SLC44A5: variants seen among roughly 807,000 people sequenced by gnomAD.
The protein encoded by SLC44A5 is choline transporter-like protein 5.
In SLC44A5, 57 loss-of-function variants were observed where a neutral mutation model predicts 101.8. The observed-to-expected ratio is 0.56, with a 90% confidence interval of 0.45 to 0.70. SLC44A5 has a LOEUF of 0.70. SLC44A5 is among the 30% of genes least tolerant of loss of function. The pLI, the probability that SLC44A5 is intolerant of heterozygous loss-of-function variation, is 0.00. For synonymous variants in SLC44A5, 281 were observed against 290.9 expected, an observed-to-expected ratio of 0.97 and a Z score of 0.35; for missense variants, 737 against 853.1, an observed-to-expected ratio of 0.86 and a Z score of 1.70.
intron 2 of SLC44A5, among the ~76,000 whole-genome samples, chr1:75,514,882 G>A (rs1490779124): frequency 6.6e-6 from 1 of 152,070 alleles, no homozygotes; most frequent in Non-Finnish European, 1.5e-5. Context: ...TGTCTTTCAG[G>A]TACATGGACC....
At chr1:75,318,314 C>A (rs1328992063) in intron 4 of SLC44A5, among the ~76,000 whole-genome samples, 1 of 151,106 alleles carries the variant, frequency 6.6e-6, no homozygotes, top group Non-Finnish European at 1.5e-5. Flanking sequence ...GCGTTCGAGG[C>A]TACAGTGAGT....
chr1:75,591,800 G>GA (rs1444997187), intron 1 of SLC44A5, among the ~76,000 whole-genome samples: 10 of 149,828 alleles, frequency 6.7e-5, no homozygotes, highest in South Asian at 2.1e-4. Context: ...AATTGATGCT[G>GA]AAAAAGCATT....
intron 4 of SLC44A5, among the ~76,000 whole-genome samples, chr1:75,313,113 G>A (rs1310056840): frequency 6.6e-6 from 1 of 152,180 alleles, no homozygotes; most frequent in Non-Finnish European, 1.5e-5. Flanking sequence ...AGAAGAGAAT[G>A]AAACCAGGGC....
chr1:75,402,112 T>C (rs951717016), intron 2 of SLC44A5, among the ~76,000 whole-genome samples: 2 of 152,182 alleles, frequency 1.3e-5, no homozygotes, highest in Non-Finnish European at 2.9e-5. Context: ...ACACAACATT[T>C]TGATAGTTAG....
chr1:75,412,213 T>C (rs1663324957), intron 2 of SLC44A5, among the ~76,000 whole-genome samples: 1 of 152,214 alleles, frequency 6.6e-6, no homozygotes, highest in African/African-American at 2.4e-5. Context: ...TTAATCTTTG[T>C]ATCTCCAGCG....
intron 1 of SLC44A5, among the ~76,000 whole-genome samples, chr1:75,551,559 G>A (rs867965717): frequency 3.3e-5 from 5 of 152,028 alleles, no homozygotes; most frequent in Admixed American, 2.6e-4. Context: ...CTAAATTGAT[G>A]TTCTGGTTTA....
At chr1:75,518,851 G>A (rs1669971404) in intron 2 of SLC44A5, among the ~76,000 whole-genome samples, 1 of 152,182 alleles carries the variant, frequency 6.6e-6, no homozygotes, top group Admixed American at 6.6e-5. Flanking sequence ...GGGGCTGGGT[G>A]TGACAGGGAC....
the SLC44A5 span, among the ~76,000 whole-genome samples, chr1:75,722,825 G>A: frequency 6.6e-6 from 1 of 152,166 alleles, no homozygotes; most frequent in Non-Finnish European, 1.5e-5. Flanking sequence ...CTGTAACGAT[G>A]GTCTCAAGTA....
intron 3 of SLC44A5, among the ~76,000 whole-genome samples, chr1:75,389,841 C>T (rs1412885058): frequency 1.3e-5 from 2 of 151,754 alleles, no homozygotes; most frequent in Non-Finnish European, 2.9e-5. Context: ...CATTGAGATG[C>T]CAAAATTCAT....
intron 5 of SLC44A5, among the ~76,000 whole-genome samples, chr1:75,300,381 A>G (rs913006792): frequency 6.6e-6 from 1 of 152,210 alleles, no homozygotes; most frequent in Non-Finnish European, 1.5e-5. Flanking sequence ...TTTCTGCTTT[A>G]TAATTGTATT....
At chr1:75,500,402 A>T (rs181460350) in intron 2 of SLC44A5, among the ~76,000 whole-genome samples, 4 of 152,142 alleles carry the variant, frequency 2.6e-5, no homozygotes, top group Non-Finnish European at 4.4e-5. Context: ...TGCCTGCAAA[A>T]ACTGGAAGAT....
the SLC44A5 span, among the ~76,000 whole-genome samples, chr1:75,702,262 T>A: frequency 6.6e-6 from 1 of 152,112 alleles, no homozygotes; most frequent in Non-Finnish European, 1.5e-5. Flanking sequence ...CAAACTATAC[T>A]ACAAGGCTAC....
At chr1:75,411,704 T>C (rs1038110229) in intron 2 of SLC44A5, among the ~76,000 whole-genome samples, 2 of 151,996 alleles carry the variant, frequency 1.3e-5, no homozygotes, top group African/African-American at 2.4e-5. Context: ...TTGGGGATAA[T>C]GGTAATAGAG....
chr1:75,631,607 C>T, the SLC44A5 span, among the ~76,000 whole-genome samples: 4 of 132,236 alleles, frequency 3.0e-5, no homozygotes, highest in Admixed American at 1.8e-4. Flanking sequence ...AGTGCAATGT[C>T]GCAATCTCAG....
chr1:75,276,076 C>T (rs1557607847), intron 5 of SLC44A5, among the ~76,000 whole-genome samples: 1 of 152,054 alleles, frequency 6.6e-6, no homozygotes. Context: ...AATTTTTTCT[C>T]AATATTTTTT....
intron 2 of SLC44A5, among the ~76,000 whole-genome samples, chr1:75,455,823 A>G (rs910517087): frequency 1.3e-5 from 2 of 152,198 alleles, no homozygotes; most frequent in Non-Finnish European, 2.9e-5. Flanking sequence ...ATCTCATACC[A>G]GTCAGAATGG....
intron 4 of SLC44A5, among the ~76,000 whole-genome samples, chr1:75,326,638 C>G (rs1202955481): frequency 6.6e-6 from 1 of 152,112 alleles, no homozygotes; most frequent in Admixed American, 6.5e-5. Flanking sequence ...AAATTCAGCA[C>G]TTATATTATG....
the SLC44A5 span, among the ~76,000 whole-genome samples, chr1:75,686,187 C>G: frequency 3.9e-5 from 6 of 152,138 alleles, no homozygotes; most frequent in Non-Finnish European, 8.8e-5. Context: ...GGTGGGGACA[C>G]AGCCAAACCA....
At chr1:75,546,635 C>T (rs1201013705) in intron 1 of SLC44A5, among the ~76,000 whole-genome samples, 2 of 152,124 alleles carry the variant, frequency 1.3e-5, no homozygotes, top group Non-Finnish European at 2.9e-5. Flanking sequence ...TTCTATGTTA[C>T]TCAACCATTT....
Sources: allele counts gnomAD v4.1 joint callset (sites outside exome capture counted in the v4.1 genomes callset), GRCh38; gene constraint gnomAD v4.1.1; transcripts MANE v1.5; gene names NCBI Gene and HGNC (gene_info 2026-07-23, HGNC 2026-07-21).